The following TLK1 variants were observed in gnomAD, a reference collection of about 807,000 sequenced individuals.
TLK1 encodes the protein serine/threonine-protein kinase tousled-like 1.
TLK1 carries 24 observed loss-of-function variants against 105.3 expected under a neutral mutation model. That is an observed-to-expected ratio of 0.23 (90% CI 0.17 to 0.32). The LOEUF is 0.32. Among genes scored for constraint, TLK1 ranks in the 10% least tolerant of loss-of-function variants. TLK1 has a pLI of 1.00. For synonymous variants in TLK1, 321 were observed against 310.4 expected (o/e 1.03, Z -0.36); for missense variants, 558 against 910.5 (o/e 0.61, Z 4.98).
At chr2:171,072,401 G>A (rs1251613209) in intron 3 of TLK1, among the ~76,000 whole-genome samples, 1 of 152,132 alleles carries the variant, frequency 6.6e-6, no homozygotes, top group African/African-American at 2.4e-5. Context: ...ATCACTTGAG[G>A]TCAGAAGTTC....
At chr2:171,146,916 G>A (rs1206526989) in intron 1 of TLK1, among the ~76,000 whole-genome samples, 1 of 152,136 alleles carries the variant, frequency 6.6e-6, no homozygotes, top group African/African-American at 2.4e-5. Context: ...CCTCCTTAAG[G>A]CCTAACTGGG....
At chr2:171,191,428 A>G (rs1247034956) in intron 1 of TLK1, among the ~76,000 whole-genome samples, 1 of 151,902 alleles carries the variant, frequency 6.6e-6, no homozygotes, top group Non-Finnish European at 1.5e-5. Context: ...ATGAAAATAA[A>G]GTTAGCCGGG....
chr2:171,061,178 A>AT, intron 3 of TLK1, 22 bp from the exon 4 acceptor site: 1 of 1,609,938 alleles, frequency 6.2e-7, no homozygotes, highest in Non-Finnish European at 8.5e-7. Context: ...AAGATAACAG[A>AT]TTTTTAAATG....
intron 3 of TLK1, among the ~76,000 whole-genome samples, chr2:171,080,928 C>T (rs1172324264): frequency 6.6e-6 from 1 of 152,042 alleles, no homozygotes; most frequent in African/African-American, 2.4e-5. Flanking sequence ...AGGCTGGTCT[C>T]GAACTCCTGG....
rs1340720511 is a variant in TLK1 at position 171,160,330 on chromosome 2, G to T, written c.99C>A (p.Ser33=). The T allele has an allele frequency of 6.2e-7, 1 of 1,602,320 alleles. No individual in the cohort carries two copies. The highest frequency in any genetic ancestry group is 1.7e-5 in the Admixed American group (1 of 58,650). The change falls in exon 1 of 21, where the codon TCC becomes TCA. Residue 33 remains serine, a synonymous_variant. Transcript: ENST00000431350. This position sits in a 1 kb window ranked among gnomAD's most constrained non-coding sequence, Gnocchi z 4.4. ...CGGATGGCGGCGTGTGATTCAGCAG[G>T]GACCTGGCCGCCGCCGCCGAGCCCG... The part of the protein sequence containing the change: ...PTPGSAAAAR[S]LLNHTPPSGR...
intron 2 of TLK1, among the ~76,000 whole-genome samples, chr2:171,096,754 T>C (rs1689469975): frequency 7.8e-6 from 1 of 128,132 alleles, no homozygotes; most frequent in Admixed American, 7.8e-5. Flanking sequence ...CAAGACCCTG[T>C]CTCAAAAAAA....
intron 1 of TLK1, among the ~76,000 whole-genome samples, chr2:171,172,729 C>T (rs1176713587): frequency 6.6e-6 from 1 of 152,136 alleles, no homozygotes; most frequent in East Asian, 1.9e-4. Flanking sequence ...CTTCGCCTTC[C>T]ACCATAACTA....
At chr2:171,045,531 A>T (rs1025280330) in intron 11 of TLK1, 1 of 152,014 alleles carries the variant, frequency 6.6e-6, no homozygotes, top group Non-Finnish European at 1.5e-5. Flanking sequence ...TTTTCTACTC[A>T]CGTGAGTTTA....
At chr2:171,178,609 G>A (rs1362610704) in intron 1 of TLK1, among the ~76,000 whole-genome samples, 5 of 152,160 alleles carry the variant, frequency 3.3e-5, no homozygotes, top group African/African-American at 1.2e-4. Context: ...CCAAAGCAAC[G>A]AAGACATATC....
intron 1 of TLK1, among the ~76,000 whole-genome samples, chr2:171,205,255 C>T (rs912733988): frequency 3.3e-5 from 5 of 151,360 alleles, no homozygotes; most frequent in African/African-American, 9.7e-5. Flanking sequence ...TTCCATCTAT[C>T]GTCTATTAAA....
chr2:171,063,693 C>CTAG (rs1687860117), intron 3 of TLK1, among the ~76,000 whole-genome samples: 1 of 152,122 alleles, frequency 6.6e-6, no homozygotes, highest in African/African-American at 2.4e-5. Flanking sequence ...TCCTAAGGAA[C>CTAG]TAGTGTTCAA....
At chr2:171,104,898 T>C (rs1040734767) in intron 2 of TLK1, among the ~76,000 whole-genome samples, 1 of 152,254 alleles carries the variant, frequency 6.6e-6, no homozygotes, top group Non-Finnish European at 1.5e-5. Flanking sequence ...TATGCATTTA[T>C]GGCCAACTAA....
At chr2:171,062,989 A>G (rs1423275332) in intron 3 of TLK1, among the ~76,000 whole-genome samples, 3 of 152,154 alleles carry the variant, frequency 2.0e-5, no homozygotes, top group Non-Finnish European at 4.4e-5. Context: ...ACAATAATCA[A>G]TCTTCTGTTT....
In TLK1 at chr2:171,016,843, C is replaced by T. The variant is rs569354888; in HGVS notation, c.1237-1895G>A. Among the ~76,000 whole-genome samples, 33 of 152,168 alleles carry T rather than the reference C, an allele frequency of 2.2e-4. No individual in the cohort carries two copies. In the East Asian group the frequency reaches 3.3e-3, roughly 15 times the overall value. On this transcript the variant is annotated intron_variant, in intron 12 of 20. Coordinates refer to ENST00000431350, the MANE Select transcript of TLK1 (RefSeq NM_012290.5). Reference sequence around the variant, plus strand: ...ATTATTTTAAAATGAAATTCAACCACGACTTGTTGCAGAGATATTTAATGC... The same window carrying T: ...ATTATTTTAAAATGAAATTCAACCATGACTTGTTGCAGAGATATTTAATGC...
At chr2:171,095,015 C>T (rs139131649) in intron 2 of TLK1, among the ~76,000 whole-genome samples, 4 of 152,194 alleles carry the variant, frequency 2.6e-5, no homozygotes, top group Non-Finnish European at 5.9e-5. Context: ...TTAAACAACA[C>T]ACTCCTAAAT....
At chr2:171,220,105 T>A (rs949192917) in intron 1 of TLK1, among the ~76,000 whole-genome samples, 1 of 152,210 alleles carries the variant, frequency 6.6e-6, no homozygotes, top group Non-Finnish European at 1.5e-5. Flanking sequence ...CCTGGACAAC[T>A]CAGAATAATA....
chr2:171,020,510 A>C (rs1685443063), intron 12 of TLK1, among the ~76,000 whole-genome samples: 1 of 151,838 alleles, frequency 6.6e-6, no homozygotes, highest in African/African-American at 2.4e-5. Flanking sequence ...ACTGCACTCC[A>C]GCCTTGGTGA....
intron 1 of TLK1, among the ~76,000 whole-genome samples, chr2:171,174,585 CT>C (rs1692786724): frequency 6.6e-6 from 1 of 152,070 alleles, no homozygotes; most frequent in Admixed American, 6.6e-5. Context: ...TCACTTATCA[CT>C]TTGTTTTAGA....
At chr2:171,226,600 G>GCACTT (rs1341646752) in intron 1 of TLK1, among the ~76,000 whole-genome samples, 1 of 152,172 alleles carries the variant, frequency 6.6e-6, no homozygotes, top group African/African-American at 2.4e-5. Flanking sequence ...TGGAGGGAAA[G>GCACTT]CACTTCCAGA....
Sources: gnomAD v4.1 joint callset for allele counts (sites outside exome capture counted in the v4.1 genomes callset) on GRCh38, gnomAD v4.1.1 for gene constraint, Gnocchi (gnomAD v3.1) non-coding constraint, MANE v1.5 for transcripts, NCBI Gene and HGNC (gene_info 2026-07-23, HGNC 2026-07-21) for gene names.